ERCC6L2: variants seen among roughly 807,000 people sequenced by gnomAD.
ERCC6L2 encodes the protein DNA excision repair protein ERCC-6-like 2.
ERCC6L2 carries 77 observed loss-of-function variants against 132.0 expected under a neutral mutation model. That is an observed-to-expected ratio of 0.58 (90% CI 0.49 to 0.71). The LOEUF is 0.71. Among genes scored for constraint, ERCC6L2 ranks in the 30% least tolerant of loss-of-function variants. The probability of loss-of-function intolerance (pLI) is 0.00; values close to 1 mark genes in which losing one functional copy is unlikely to be tolerated. For missense variants in ERCC6L2, 1,542 were observed against 1,837.6 expected (o/e 0.84, Z 2.94); for synonymous variants, 583 against 632.4 (o/e 0.92, Z 1.17).
chr9:95,901,265 A>ATT (rs930606782), intron 3 of ERCC6L2, among the ~76,000 whole-genome samples: 1 of 149,742 alleles, frequency 6.7e-6, no homozygotes, highest in African/African-American at 2.5e-5. Flanking sequence ...CTTGGAAAGG[A>ATT]TTTTTTTTTT....
At chr9:95,921,851 C>G (rs1450843658) in intron 7 of ERCC6L2, among the ~76,000 whole-genome samples, 1 of 152,012 alleles carries the variant, frequency 6.6e-6, no homozygotes, top group African/African-American at 2.4e-5. Context: ...TAGAGAAACC[C>G]TAAGTGAATA....
At chr9:95,907,857 C>CAAACACACACACACACACACACA in intron 4 of ERCC6L2, among the ~76,000 whole-genome samples, 1,805 of 133,798 alleles carry the variant, frequency 0.013, 27 homozygotes, top group East Asian at 0.03. Flanking sequence ...ACACACACAC[C>CAAACACACACACACACACACACA]CCCACACCCA....
chr9:95,981,364 ACT>A (rs1163011953), intron 17 of ERCC6L2, among the ~76,000 whole-genome samples: 1 of 152,206 alleles, frequency 6.6e-6, no homozygotes, highest in East Asian at 1.9e-4. Context: ...AGTAAAATGT[ACT>A]GTTTTCAGTG....
rs1354888241 is a variant in ERCC6L2, at chr9:96,013,671, T to A, written c.*468T>A. The A allele has an allele frequency of 6.6e-6, 1 of 152,490 alleles. No homozygotes were observed. Among genetic ancestry groups the A allele is most frequent in the Non-Finnish European group, 1.5e-5 (1 of 68,228 alleles). The allele number at this position is 152,490 out of a possible 1,614,324, so 9.4% of individuals were successfully genotyped here. ...AGGTGTATACCAATGTGTTTTTTAC[T>A]AGCACTTGGGAAAGTTATTAAGTAT... is the stretch of plus-strand genomic sequence containing the variant. On this transcript the variant is annotated 3_prime_UTR_variant, in exon 19 of 19. Coordinates refer to ENST00000653738, the MANE Select transcript of ERCC6L2 (RefSeq NM_020207.7).
At chr9:95,975,823 T>C (rs1355614688) in intron 16 of ERCC6L2, among the ~76,000 whole-genome samples, 2 of 152,128 alleles carry the variant, frequency 1.3e-5, no homozygotes, top group Non-Finnish European at 2.9e-5. Context: ...GGCTTATCTG[T>C]TGTGTTTATT....
chr9:96,027,215 C>T (rs1274275407), intron 19 of ERCC6L2, among the ~76,000 whole-genome samples: 2 of 152,058 alleles, frequency 1.3e-5, no homozygotes, highest in African/African-American at 4.8e-5. Context: ...CACACCACAC[C>T]CCCGCCTCCA....
At chr9:95,905,871 A>T (rs1160868830) in intron 3 of ERCC6L2, among the ~76,000 whole-genome samples, 2 of 152,186 alleles carry the variant, frequency 1.3e-5, no homozygotes, top group African/African-American at 2.4e-5. Context: ...GTTAAACTGA[A>T]TTTTTTCAGT....
At chr9:95,899,387 G>T (rs532775419) in intron 3 of ERCC6L2, among the ~76,000 whole-genome samples, 1 of 152,038 alleles carries the variant, frequency 6.6e-6, no homozygotes, top group East Asian at 1.9e-4. Context: ...GGGAGGTTGA[G>T]GCTGCGGTGA....
chr9:95,892,952 A>G (rs1467862567), intron 2 of ERCC6L2, among the ~76,000 whole-genome samples: 1 of 152,192 alleles, frequency 6.6e-6, no homozygotes, highest in African/African-American at 2.4e-5. Flanking sequence ...ATGGATTTGG[A>G]TACAAATCTG....
At chr9:95,912,952 T>C (rs1169458401) in intron 4 of ERCC6L2, among the ~76,000 whole-genome samples, 1 of 152,202 alleles carries the variant, frequency 6.6e-6, no homozygotes, top group Non-Finnish European at 1.5e-5. Context: ...TGCTGTGGAC[T>C]TCATATTGCA....
chr9:95,931,414 C>T (rs1254290122), intron 11 of ERCC6L2, among the ~76,000 whole-genome samples: 1 of 152,148 alleles, frequency 6.6e-6, no homozygotes, highest in Non-Finnish European at 1.5e-5. Flanking sequence ...CACTGCTCTT[C>T]TGTGTTGGAT....
intron 1 of ERCC6L2, among the ~76,000 whole-genome samples, chr9:95,878,207 A>G (rs1827392647): frequency 6.6e-6 from 1 of 152,190 alleles, no homozygotes; most frequent in Non-Finnish European, 1.5e-5. Context: ...AACTGTGCCC[A>G]TTTGTTTATG....
At chr9:96,006,499 G>A (rs561556519) in intron 18 of ERCC6L2, among the ~76,000 whole-genome samples, 9 of 152,208 alleles carry the variant, frequency 5.9e-5, no homozygotes, top group Non-Finnish European at 5.9e-5. Flanking sequence ...CAGTGCGCGC[G>A]CCCTGGCGGG....
chr9:95,980,756 AAG>A (rs997846220), intron 17 of ERCC6L2, among the ~76,000 whole-genome samples: 17 of 152,276 alleles, frequency 1.1e-4, no homozygotes, highest in African/African-American at 4.1e-4. Flanking sequence ...ACGAGAAGAA[AAG>A]AGAATAAACA....
chr9:95,881,005 A>G lies in ERCC6L2; in HGVS notation c.183A>G (p.Glu61=). The G allele has an allele frequency of 6.2e-7, 1 of 1,614,038 alleles. No homozygotes were observed. Among genetic ancestry groups the G allele is most frequent in the Non-Finnish European group, 8.5e-7 (1 of 1,179,916 alleles). ...FAVVLYADFQ[E]RKIPLKQLQE... ...TCGTCTTATATGCAGATTTTCAAGA[A>G]AGGAAAATACCTCTTAAACAGCTTC... Residue 61 remains glutamate (E), a synonymous_variant, in exon 2 of 19, where the codon GAA becomes GAG. Coordinates refer to ENST00000653738, the MANE Select transcript of ERCC6L2 (RefSeq NM_020207.7).
chr9:95,945,460 C>T (rs964888426), intron 12 of ERCC6L2, among the ~76,000 whole-genome samples: 1 of 152,208 alleles, frequency 6.6e-6, no homozygotes, highest in African/African-American at 2.4e-5. Context: ...AGGCAACACT[C>T]ATCCTCCTCA....
intron 17 of ERCC6L2, among the ~76,000 whole-genome samples, chr9:95,994,609 A>G (rs1833412018): frequency 6.6e-6 from 1 of 152,128 alleles, no homozygotes; most frequent in South Asian, 2.1e-4. Flanking sequence ...TTCCCTGTGC[A>G]CCATCCTCCC....
intron 20 of ERCC6L2, among the ~76,000 whole-genome samples, chr9:96,040,280 G>A (rs967054780): frequency 2.0e-5 from 3 of 152,024 alleles, no homozygotes; most frequent in Admixed American, 6.6e-5. Context: ...CGTCCTCCCT[G>A]GGCACGACTC....
In ERCC6L2 at chr9:95,881,002, A is replaced by G; in HGVS notation, c.180A>G (p.Gln60=). Residue 60 remains glutamine, a synonymous_variant, in exon 2 of 19, where the codon CAA becomes CAG. Coordinates refer to ENST00000653738, the MANE Select transcript of ERCC6L2 (RefSeq NM_020207.7). ...SFAVVLYADF[Q]ERKIPLKQLQ... ...CAGTCGTCTTATATGCAGATTTTCA[A>G]GAAAGGAAAATACCTCTTAAACAGC... 1 of 1,614,076 alleles carries G rather than the reference A, an allele frequency of 6.2e-7. No individual in the cohort carries two copies. The highest frequency in any genetic ancestry group is 8.5e-7 in the Non-Finnish European group (1 of 1,179,930).
Sources: allele counts gnomAD v4.1 joint callset (sites outside exome capture counted in the v4.1 genomes callset), GRCh38; gene constraint gnomAD v4.1.1; transcripts MANE v1.5; gene names NCBI Gene and HGNC (gene_info 2026-07-23, HGNC 2026-07-21).